Variants in LTBP2 observed in about 807,000 individuals in gnomAD.
LTBP2 encodes the protein latent transforming growth factor beta binding protein 2.
A neutral mutation model predicts 210.6 loss-of-function variants in LTBP2; 103 were observed. The observed-to-expected ratio is 0.49, with a 90% CI of 0.42 to 0.58. LTBP2 has a LOEUF of 0.58. LTBP2 is among the 20% of genes least tolerant of loss of function. The pLI, the probability that LTBP2 is intolerant of heterozygous loss-of-function variation, is 0.00. For synonymous variants in LTBP2, 1,007 were observed against 1,015.0 expected (o/e 0.99, Z 0.15); for missense variants, 2,313 against 2,494.5 (o/e 0.93, Z 1.55).
At chr14:74,516,752 T>A in intron 18 of LTBP2, 70 bp downstream of exon 18, 1 of 1,490,520 alleles carries the variant, frequency 6.7e-7, no homozygotes, top group Non-Finnish European at 9.0e-7. Flanking sequence ...GTGTTGGTGG[T>A]GGGCAGTGCG....
rs2087415011 is a variant in LTBP2, at chr14:74,535,912, C to T, written c.1864+14G>A. 5 of 1,613,092 alleles carry T rather than the reference C, an allele frequency of 3.1e-6. No individual in the cohort carries two copies. The highest frequency in any genetic ancestry group is 3.4e-6 in the Non-Finnish European group (4 of 1,179,058). ...CGGCATCCTTGAGCCCAGCCCTGGC[C>T]CTGGGGGTCCTACCTTGGCAGTGAG... On this transcript the variant is annotated intron_variant, in intron 9 of 35. Transcript: ENST00000261978.
chr14:74,509,441 T>A, intron 21 of LTBP2, 78 bp from the exon 22 acceptor site: 1 of 1,598,770 alleles, frequency 6.3e-7, no homozygotes, highest in Non-Finnish European at 8.6e-7. Context: ...CACCGTGGCT[T>A]CCCTCTCTGA....
intron 1 of LTBP2, among the ~76,000 whole-genome samples, chr14:74,606,587 A>G (rs1214750991): frequency 6.6e-6 from 1 of 152,154 alleles, no homozygotes; most frequent in Non-Finnish European, 1.5e-5. Flanking sequence ...GGTGGCTCAC[A>G]CCTGTAATCC....
intron 3 of LTBP2, among the ~76,000 whole-genome samples, chr14:74,578,217 C>A (rs2088087299): frequency 6.6e-6 from 1 of 152,118 alleles, no homozygotes; most frequent in Admixed American, 6.5e-5. Context: ...CTCATCCTGG[C>A]AAATGAGGTG....
At chr14:74,595,226 T>C (rs897919618) in intron 2 of LTBP2, among the ~76,000 whole-genome samples, 4 of 152,164 alleles carry the variant, frequency 2.6e-5, no homozygotes, top group African/African-American at 9.7e-5. Context: ...GCCCTGTTAA[T>C]TGCATTAACA....
chr14:74,606,300 C>A (rs1284976221), intron 1 of LTBP2, among the ~76,000 whole-genome samples: 1 of 152,248 alleles, frequency 6.6e-6, no homozygotes, highest in Non-Finnish European at 1.5e-5. Flanking sequence ...GGCCCCCTGG[C>A]ACCCATGTGC....
At chr14:74,544,556 T>C (rs1381932581) in intron 8 of LTBP2, among the ~76,000 whole-genome samples, 1 of 152,194 alleles carries the variant, frequency 6.6e-6, no homozygotes, top group Admixed American at 6.5e-5. Flanking sequence ...CCTAAGGCTC[T>C]CTGCCCCTCA....
At position 74,500,984 on chromosome 14, in the gene LTBP2, A is replaced by G. The variant is rs529229239; in HGVS notation, c.5366T>C (p.Val1789Ala). 2 of 1,614,152 alleles carry G rather than the reference A, an allele frequency of 1.2e-6. No individual in the cohort carries two copies. The highest frequency in any genetic ancestry group is 3.3e-5 in the Admixed American group (2 of 60,026). The change falls in exon 36 of 36, where the codon GTC becomes GCC. Residue 1789 changes from valine to alanine, a missense_variant. Coordinates refer to ENST00000261978, the MANE Select transcript of LTBP2 (RefSeq NM_000428.3). ...DDLNGPAVLC[V>A]HGYCENTEGS... ...CTCTGTGTTCTCGCAGTAACCATGG[A>G]CACAGAGCACAGCAGGCCCGTTCAA...
chr14:74,607,334 G>A (rs1180675964), intron 1 of LTBP2, among the ~76,000 whole-genome samples: 1 of 152,044 alleles, frequency 6.6e-6, no homozygotes, highest in Non-Finnish European at 1.5e-5. Flanking sequence ...AGAACATTTT[G>A]TTTTCATTTC....
Position 74,508,629 on chromosome 14 carries a change from G to A in LTBP2, c.3627C>T (p.Ser1209=), listed in dbSNP as rs758948677. The change falls in exon 24 of 36, where the codon AGC becomes AGT. Residue 1209 remains serine, a synonymous_variant. Transcript: ENST00000261978. ...FFCLCAPGFV[S]AEGGTSCQDV... The stretch of plus-strand genomic sequence containing the variant: ...CCTGGCAGCTGGTGCCCCCCTCTGC[G>A]CTGACGAAGCCAGGCGCGCACAGAC... 1.3e-5 allele frequency: 21 copies of A among 1,610,664 alleles called. No homozygotes were observed. Among genetic ancestry groups the A allele is most frequent in the Admixed American group, 5.0e-5 (3 of 60,012 alleles).
At chr14:74,559,099 A>G (rs1326157038) in intron 3 of LTBP2, among the ~76,000 whole-genome samples, 1 of 152,242 alleles carries the variant, frequency 6.6e-6, no homozygotes, top group Non-Finnish European at 1.5e-5. Flanking sequence ...TTGCAGAAAC[A>G]AGGAGGAAAA....
intron 3 of LTBP2, among the ~76,000 whole-genome samples, chr14:74,570,334 G>A (rs2087959076): frequency 6.6e-6 from 1 of 152,092 alleles, no homozygotes; most frequent in Non-Finnish European, 1.5e-5. Flanking sequence ...CTGGCTTATT[G>A]AACAGCAAAC....
chr14:74,580,396 C>G (rs916194785), intron 3 of LTBP2, among the ~76,000 whole-genome samples: 1 of 152,126 alleles, frequency 6.6e-6, no homozygotes, highest in African/African-American at 2.4e-5. Context: ...TGGCTGAACC[C>G]TTATAAGAAG....
At chr14:74,555,716 G>T in intron 3 of LTBP2, 23 bp from the exon 4 acceptor site, 1 of 1,489,142 alleles carries the variant, frequency 6.7e-7, no homozygotes. Context: ...CCGCGGCACG[G>T]GGGTTTGCAC....
chr14:74,588,345 C>T, intron 2 of LTBP2, among the ~76,000 whole-genome samples: 1 of 152,140 alleles, frequency 6.6e-6, no homozygotes, highest in Non-Finnish European at 1.5e-5. Flanking sequence ...CCTCAGCCTC[C>T]CGAGTAGCTG....
At chr14:74,569,377 T>C (rs1008931263) in intron 3 of LTBP2, among the ~76,000 whole-genome samples, 3 of 152,180 alleles carry the variant, frequency 2.0e-5, no homozygotes, top group African/African-American at 7.2e-5. Flanking sequence ...CCACTTGGAA[T>C]GTGTTATGGG....
At position 74,612,016 on chromosome 14, in the gene LTBP2, G is replaced by C. The variant is rs2088622371; in HGVS notation, c.-72C>G. 1 of 1,408,380 alleles carries C rather than the reference G, an allele frequency of 7.1e-7. No homozygotes were observed. Among genetic ancestry groups the C allele is most frequent in the South Asian group, 1.5e-5 (1 of 64,954 alleles). 87.2% of individuals were successfully genotyped at this position (1,408,380 alleles called of 1,614,324 possible). On this transcript the variant is annotated 5_prime_UTR_variant, in exon 1 of 36. Coordinates refer to ENST00000261978, the MANE Select transcript of LTBP2 (RefSeq NM_000428.3). Reference sequence around the variant, plus strand: ...TTTGTGGTCGGCACGCTGGACGCCCGCGGGCTGTTCTCCCGGCCCCGCCCG... The same window carrying C: ...TTTGTGGTCGGCACGCTGGACGCCCCCGGGCTGTTCTCCCGGCCCCGCCCG...
Sources: gnomAD v4.1 joint callset for allele counts (sites outside exome capture counted in the v4.1 genomes callset) on GRCh38, gnomAD v4.1.1 for gene constraint, MANE v1.5 for transcripts, NCBI Gene and HGNC (gene_info 2026-07-23, HGNC 2026-07-21) for gene names.